SCEL: variants seen among roughly 807,000 people sequenced by gnomAD.
The protein encoded by SCEL is sciellin.
A neutral mutation model predicts 117.6 loss-of-function variants in SCEL; 113 were observed. The ratio of observed to expected loss-of-function variants is 0.96; its 90% CI spans 0.83 to 1.12. The LOEUF is 1.12. Among genes scored for constraint, SCEL ranks in the 50% most tolerant of loss-of-function variants. The pLI is 0.00. For missense variants in SCEL, 785 were observed against 810.8 expected, an observed-to-expected ratio of 0.97 and a Z score of 0.39; for synonymous variants, 270 against 256.2, an observed-to-expected ratio of 1.05 and a Z score of -0.51.
At position 77,567,701 on chromosome 13, in the gene SCEL, T is replaced by A; in HGVS notation, c.312T>A (p.Ala104=). The change falls in exon 6 of 33, where the codon GCT becomes GCA. Residue 104 remains alanine (A), a synonymous_variant. Coordinates refer to ENST00000349847, the MANE Select transcript of SCEL (RefSeq NM_144777.3). ...TLDRISDRND[A]AKTYKANTLD... The stretch of plus-strand genomic sequence containing the variant: ...AAAGGATCTCAGACAGAAATGATGC[T>A]GCTAAAACATATAAGGCCAATACCT... The A allele has an allele frequency of 6.2e-7, 1 of 1,608,594 alleles. No individual in the cohort carries two copies. The highest frequency in any genetic ancestry group is 2.2e-5 in the East Asian group (1 of 44,692).
rs569056990 is a variant in SCEL at position 77,635,193 on chromosome 13, G to T, written c.1763+743G>T. Among the ~76,000 whole-genome samples, 64 of 152,248 alleles carry T rather than the reference G, an allele frequency of 4.2e-4. No individual in the cohort carries two copies. In the South Asian group the frequency reaches 0.013, roughly 30 times the overall value. On this transcript the variant is annotated intron_variant, in intron 29 of 32. Transcript: ENST00000349847. ...GGAGGTAAGCGATCTTCCAAAAAAG[G>T]TTTCTCAAACCCATGCATAATTTAC...
chr13:77,612,973 A>G (rs1446973283), intron 23 of SCEL, 32 bp downstream of exon 23: 3 of 1,297,926 alleles, frequency 2.3e-6, no homozygotes, highest in Non-Finnish European at 3.2e-6. Context: ...AAGACTTCTT[A>G]GCAAGTCACC....
chr13:77,563,589 A>G (rs1288507491), intron 4 of SCEL, among the ~76,000 whole-genome samples: 1 of 152,154 alleles, frequency 6.6e-6, no homozygotes, highest in Non-Finnish European at 1.5e-5. Flanking sequence ...AATATGTTAC[A>G]TTGTTGTCAG....
intron 9 of SCEL, among the ~76,000 whole-genome samples, chr13:77,579,179 G>A (rs2086126343): frequency 6.6e-6 from 1 of 152,056 alleles, no homozygotes; most frequent in Non-Finnish European, 1.5e-5. Flanking sequence ...CATACTCTAA[G>A]GTGTTACTTT....
rs565213528 is a variant in SCEL, at chr13:77,644,370, T to G, written c.*96T>G. The G allele has an allele frequency of 3.3e-5, 40 of 1,224,070 alleles. No individual in the cohort carries two copies. The highest frequency in any genetic ancestry group is 4.6e-5 in the Non-Finnish European group (39 of 845,140). 75.8% of individuals were successfully genotyped at this position (1,224,070 alleles called of 1,614,324 possible). ...TATGTAATCTAGAAAAGCTTTCACATTGAAGATCAACTCTTGTACAAAATT... is the reference window on the plus strand; with the variant it reads ...TATGTAATCTAGAAAAGCTTTCACAGTGAAGATCAACTCTTGTACAAAATT... On this transcript the variant is annotated 3_prime_UTR_variant, in exon 33 of 33. Coordinates refer to ENST00000349847, the MANE Select transcript of SCEL (RefSeq NM_144777.3).
intron 4 of SCEL, among the ~76,000 whole-genome samples, chr13:77,560,836 A>C (rs1245255866): frequency 6.6e-6 from 1 of 152,222 alleles, no homozygotes; most frequent in East Asian, 1.9e-4. Context: ...AAATGTAATT[A>C]GAAAGGGAGT....
intron 27 of SCEL, among the ~76,000 whole-genome samples, chr13:77,624,874 C>A (rs573555756): frequency 2.6e-5 from 4 of 152,212 alleles, no homozygotes; most frequent in African/African-American, 9.6e-5. Flanking sequence ...TTTCTCAGAG[C>A]TGGATAAGGT....
chr13:77,561,800 G>A (rs532578605), intron 4 of SCEL, among the ~76,000 whole-genome samples: 1 of 152,296 alleles, frequency 6.6e-6, no homozygotes, highest in East Asian at 1.9e-4. Context: ...CAAGGAGGTG[G>A]TCTTTGGTGT....
chr13:77,568,442 C>G, intron 7 of SCEL, 109 bp downstream of exon 7: 1 of 644,734 alleles, frequency 1.6e-6, no homozygotes, highest in Non-Finnish European at 2.7e-6. Flanking sequence ...CCCTATTGCT[C>G]TGGCAGAGTT....
At chr13:77,616,004 C>CTGTGTGTGTG (rs1169054133) in intron 24 of SCEL, among the ~76,000 whole-genome samples, 23 of 114,192 alleles carry the variant, frequency 2.0e-4, no homozygotes, top group African/African-American at 8.8e-4. Flanking sequence ...TTATGTCTCT[C>CTGTGTGTGTG]TGTGTGTGTG....
chr13:77,634,283 T>C (rs2090168629), intron 28 of SCEL, 96 bp from the exon 29 acceptor site: 1 of 990,296 alleles, frequency 1.0e-6, no homozygotes, highest in Non-Finnish European at 1.6e-6. Flanking sequence ...AAGGAACATA[T>C]ATTCATTACA....
intron 9 of SCEL, among the ~76,000 whole-genome samples, chr13:77,578,452 G>T (rs188159013): frequency 5.3e-5 from 8 of 152,200 alleles, no homozygotes; most frequent in African/African-American, 1.4e-4. Context: ...AAAGTGGCAG[G>T]AGCTTTGGGT....
intron 1 of SCEL, among the ~76,000 whole-genome samples, chr13:77,550,761 T>G (rs1404729890): frequency 6.6e-6 from 1 of 152,238 alleles, no homozygotes; most frequent in Non-Finnish European, 1.5e-5. Flanking sequence ...TATCCATTCA[T>G]CCACTGATGG....
intron 27 of SCEL, among the ~76,000 whole-genome samples, chr13:77,626,251 G>A (rs2089724785): frequency 6.6e-6 from 1 of 152,112 alleles, no homozygotes; most frequent in African/African-American, 2.4e-5. Flanking sequence ...CACTACCACA[G>A]GAATAGTGAG....
At chr13:77,565,566 G>C (rs1473836631) in intron 5 of SCEL, among the ~76,000 whole-genome samples, 1 of 152,182 alleles carries the variant, frequency 6.6e-6, no homozygotes, top group African/African-American at 2.4e-5. Context: ...GGCAAGTCCT[G>C]TTAGCAGGAG....
At chr13:77,626,062 T>G (rs2089715392) in intron 27 of SCEL, among the ~76,000 whole-genome samples, 1 of 152,202 alleles carries the variant, frequency 6.6e-6, no homozygotes, top group Admixed American at 6.5e-5. Context: ...TATCCAAGAC[T>G]GGGTAATTTA....
chr13:77,638,302 T>G (rs1297245323), intron 30 of SCEL, among the ~76,000 whole-genome samples: 1 of 152,238 alleles, frequency 6.6e-6, no homozygotes, highest in Non-Finnish European at 1.5e-5. Context: ...GTCTTGCCTG[T>G]AAGTCACACC....
intron 8 of SCEL, among the ~76,000 whole-genome samples, chr13:77,570,045 G>T (rs1027548939): frequency 6.6e-6 from 1 of 152,200 alleles, no homozygotes; most frequent in African/African-American, 2.4e-5. Context: ...ATGTTTGCAT[G>T]TTGAAAAAAC....
At chr13:77,595,966 G>A (rs907903881) in intron 12 of SCEL, among the ~76,000 whole-genome samples, 2 of 149,334 alleles carry the variant, frequency 1.3e-5, no homozygotes, top group Admixed American at 6.7e-5. Context: ...AAGTGACTTA[G>A]CAATTGCATC....
Sources: gnomAD v4.1 joint callset for allele counts (sites outside exome capture counted in the v4.1 genomes callset) on GRCh38, gnomAD v4.1.1 for gene constraint, MANE v1.5 for transcripts, NCBI Gene and HGNC (gene_info 2026-07-23, HGNC 2026-07-21) for gene names.